The following IMMP2L variants were observed in gnomAD, a reference collection of about 807,000 sequenced individuals.
The protein encoded by IMMP2L is inner mitochondrial membrane peptidase subunit 2, also known as mitochondrial inner membrane protease subunit 2.
Under a neutral mutation model 19.3 loss-of-function variants are expected in IMMP2L, and 18 were observed. The ratio of observed to expected loss-of-function variants is 0.93; its 90% CI spans 0.64 to 1.38. IMMP2L has a LOEUF of 1.38. Among genes scored for constraint, IMMP2L ranks in the 40% most tolerant of loss-of-function variants. IMMP2L has a pLI of 0.00. For synonymous variants in IMMP2L, 76 were observed against 73.0 expected, an observed-to-expected ratio of 1.04 and a Z score of -0.21; for missense variants, 233 against 218.2, an observed-to-expected ratio of 1.07 and a Z score of -0.43.
chr7:110,726,765 A>G (rs17477170), intron 5 of IMMP2L, among the ~76,000 whole-genome samples: 3,296 of 152,288 alleles, frequency 0.022, 76 homozygotes, highest in Admixed American at 0.067. Flanking sequence ...TGAGAAACCT[A>G]AAGTCCAAGT....
At chr7:111,273,564 C>T (rs37742) in intron 3 of IMMP2L, among the ~76,000 whole-genome samples, 82,404 of 151,814 alleles carry the variant, frequency 0.54, 22,756 homozygotes, top group South Asian at 0.71. Flanking sequence ...ACAAAGCATA[C>T]AAACTTCTAC....
intron 3 of IMMP2L, among the ~76,000 whole-genome samples, chr7:111,238,391 T>C (rs923006643): frequency 2.6e-5 from 4 of 152,078 alleles, no homozygotes; most frequent in Admixed American, 1.3e-4. Flanking sequence ...GTGAAGACAA[T>C]AGTAATAATT....
chr7:111,132,546 C>A (rs1801949411), intron 3 of IMMP2L, among the ~76,000 whole-genome samples: 2 of 152,058 alleles, frequency 1.3e-5, no homozygotes, highest in South Asian at 4.1e-4. Flanking sequence ...TCAACACCAA[C>A]AGCTTAGAGA....
rs550440688 is a variant in IMMP2L, at chr7:111,524,683, CAG to C, written c.-2-3236_-2-3235del. Reference sequence around the variant, plus strand: ...GTTTATTACCTTCTGAAAATGAAAACAGGGGAAAAGTTAGCAAAGAAATATCA... The same window carrying C: ...GTTTATTACCTTCTGAAAATGAAAACGGGAAAAGTTAGCAAAGAAATATCA... On this transcript the variant is annotated intron_variant, in intron 1 of 5. Coordinates refer to ENST00000405709, the MANE Select transcript of IMMP2L (RefSeq NM_032549.4). Among the ~76,000 whole-genome samples, 87 of 152,206 alleles carry C rather than the reference CAG, an allele frequency of 5.7e-4. 1 individual carries two copies. Among genetic ancestry groups the C allele is most frequent in the Admixed American group, 3.1e-3 (48 of 15,284 alleles).
chr7:110,724,348 T>C (rs1331344972), intron 5 of IMMP2L: 4 of 152,144 alleles, frequency 2.6e-5, no homozygotes, highest in Non-Finnish European at 1.5e-5. Context: ...AAACTAAGCT[T>C]AGATGGGGCA....
chr7:111,098,943 A>G (rs1203991836), intron 3 of IMMP2L, among the ~76,000 whole-genome samples: 4 of 151,768 alleles, frequency 2.6e-5, no homozygotes, highest in Non-Finnish European at 2.9e-5. Context: ...CATATCATGC[A>G]TTCTGCTCAT....
chr7:111,499,905 T>A (rs1467949434), intron 2 of IMMP2L, among the ~76,000 whole-genome samples: 3 of 152,100 alleles, frequency 2.0e-5, no homozygotes, highest in Non-Finnish European at 4.4e-5. Flanking sequence ...GATTTCTGCA[T>A]TTCCATCTGA....
chr7:111,288,200 G>A (rs1282076847), intron 3 of IMMP2L, among the ~76,000 whole-genome samples: 1 of 152,076 alleles, frequency 6.6e-6, no homozygotes, highest in Non-Finnish European at 1.5e-5. Flanking sequence ...CCATAAGCAG[G>A]AATAAAGATG....
intron 3 of IMMP2L, among the ~76,000 whole-genome samples, chr7:111,028,013 T>C (rs1376234207): frequency 2.6e-5 from 4 of 152,122 alleles, no homozygotes; most frequent in African/African-American, 9.7e-5. Flanking sequence ...AAATAAGTCA[T>C]ATATTTTACC....
In IMMP2L at chr7:110,951,835, C is replaced by A. The variant is rs1002559320; in HGVS notation, c.305+11665G>T. Among the ~76,000 whole-genome samples, 18 of 152,018 alleles carry A rather than the reference C, an allele frequency of 1.2e-4. No homozygotes were observed. The East Asian group carries it at 1.7e-3, about 15-fold the overall frequency. On this transcript the variant is annotated intron_variant, in intron 4 of 5. Transcript: ENST00000405709. ...AATAAAAATGTAAAAGCATCCATAA[C>A]TAATTAAATCAATAACTTGAATGTA...
chr7:110,700,706 T>A (rs1794222332), intron 5 of IMMP2L, among the ~76,000 whole-genome samples: 1 of 152,240 alleles, frequency 6.6e-6, no homozygotes, highest in African/African-American at 2.4e-5. Context: ...TGTTGGATAT[T>A]GGACTTTCTT....
chr7:111,324,016 A>G (rs902254997), intron 3 of IMMP2L, among the ~76,000 whole-genome samples: 3 of 152,066 alleles, frequency 2.0e-5, no homozygotes, highest in Admixed American at 2.0e-4. Context: ...GGGGAGGGAT[A>G]GCATTAGGAG....
chr7:110,699,587 A>G (rs1415670433), intron 5 of IMMP2L, among the ~76,000 whole-genome samples: 1 of 152,098 alleles, frequency 6.6e-6, no homozygotes, highest in Non-Finnish European at 1.5e-5. Context: ...CCTGGTCAAC[A>G]TGGAGAAACC....
intron 3 of IMMP2L, among the ~76,000 whole-genome samples, chr7:111,383,374 T>C (rs1182436541): frequency 6.6e-6 from 1 of 152,142 alleles, no homozygotes; most frequent in African/African-American, 2.4e-5. Flanking sequence ...TCCTCCAGGC[T>C]GAGTGGTCAT....
chr7:110,849,911 A>C (rs1356001961), intron 5 of IMMP2L, among the ~76,000 whole-genome samples: 1 of 152,112 alleles, frequency 6.6e-6, no homozygotes, highest in African/African-American at 2.4e-5. Flanking sequence ...ATTATGCCAT[A>C]TAAGTGTTCA....
chr7:111,239,705 T>C (rs1205709993), intron 3 of IMMP2L, among the ~76,000 whole-genome samples: 1 of 151,934 alleles, frequency 6.6e-6, no homozygotes, highest in Non-Finnish European at 1.5e-5. Flanking sequence ...TGTGTTTTAC[T>C]GCCAACTCTG....
intron 3 of IMMP2L, among the ~76,000 whole-genome samples, chr7:111,447,735 A>G (rs1487800761): frequency 6.6e-6 from 1 of 151,602 alleles, no homozygotes; most frequent in East Asian, 1.9e-4. Flanking sequence ...AATGGACTAA[A>G]TTCTCCAATT....
chr7:111,237,258 G>T (rs971898615), intron 3 of IMMP2L, among the ~76,000 whole-genome samples: 3 of 152,046 alleles, frequency 2.0e-5, no homozygotes, highest in African/African-American at 7.2e-5. Flanking sequence ...AAAGGAAGAA[G>T]AAAACAATGC....
chr7:111,062,340 G>T (rs1388179079), intron 3 of IMMP2L, among the ~76,000 whole-genome samples: 2 of 152,126 alleles, frequency 1.3e-5, no homozygotes, highest in Non-Finnish European at 2.9e-5. Flanking sequence ...CATGAGAACA[G>T]CACAGGAAAG....
Sources: allele counts gnomAD v4.1 joint callset (sites outside exome capture counted in the v4.1 genomes callset), GRCh38; gene constraint gnomAD v4.1.1; transcripts MANE v1.5; gene names NCBI Gene and HGNC (gene_info 2026-07-23, HGNC 2026-07-21).